SCMH1: variants seen among roughly 807,000 people sequenced by gnomAD.
SCMH1 encodes Scm polycomb group protein homolog 1, also known as polycomb protein SCMH1.
In SCMH1, 37 loss-of-function variants were observed where a neutral mutation model predicts 70.8. The observed-to-expected ratio is 0.52, with a 90% CI of 0.40 to 0.69. SCMH1 has a LOEUF of 0.69. SCMH1 is among the 30% of genes least tolerant of loss of function. SCMH1 has a pLI of 0.00. For missense variants in SCMH1, 607 were observed against 827.3 expected (o/e 0.73, Z 3.27); for synonymous variants, 292 against 307.4 (o/e 0.95, Z 0.52).
intron 6 of SCMH1, among the ~76,000 whole-genome samples, chr1:41,141,415 A>G (rs912739505): frequency 7.9e-5 from 12 of 152,358 alleles, no homozygotes; most frequent in Admixed American, 7.2e-4. Flanking sequence ...AAAAATGTCA[A>G]CCCTGATCTA....
intron 1 of SCMH1, among the ~76,000 whole-genome samples, chr1:41,224,278 C>A (rs186995377): frequency 6.6e-6 from 1 of 152,214 alleles, no homozygotes; most frequent in East Asian, 1.9e-4. Context: ...GATTCCTCTA[C>A]TAGATTATGA....
intron 7 of SCMH1, among the ~76,000 whole-genome samples, chr1:41,116,062 A>C (rs1482788907): frequency 1.3e-5 from 2 of 152,130 alleles, no homozygotes; most frequent in South Asian, 4.1e-4. Context: ...CAATCAACTA[A>C]GTTTTCTTCT....
intron 2 of SCMH1, among the ~76,000 whole-genome samples, chr1:41,185,317 C>T (rs1375434611): frequency 2.0e-5 from 3 of 152,146 alleles, no homozygotes; most frequent in Non-Finnish European, 4.4e-5. Context: ...TCCCTAGTAG[C>T]TGGAACTACA....
intron 10 of SCMH1, among the ~76,000 whole-genome samples, chr1:41,058,375 C>CTTGTTTTTTTT (rs1651259205): frequency 5.1e-5 from 2 of 38,998 alleles, no homozygotes; most frequent in African/African-American, 3.0e-4. Flanking sequence ...CATTTTCTTT[C>CTTGTTTTTTTT]TTGTTTTTTT....
At chr1:41,187,733 C>T (rs573066146) in intron 1 of SCMH1, among the ~76,000 whole-genome samples, 8 of 150,678 alleles carry the variant, frequency 5.3e-5, no homozygotes, top group East Asian at 3.9e-4. Context: ...CTCAAGAGTT[C>T]GAGACCAGCC....
intron 5 of SCMH1, among the ~76,000 whole-genome samples, chr1:41,145,417 C>CT (rs1644464003): frequency 6.6e-6 from 1 of 152,132 alleles, no homozygotes; most frequent in Non-Finnish European, 1.5e-5. Context: ...ATTCATGGAT[C>CT]TATATGTCTA....
chr1:41,117,763 C>CCT lies in SCMH1; in HGVS notation c.413-755_413-754dup, dbSNP rs746941862. Among the ~76,000 whole-genome samples the CCT allele has an allele frequency of 4.7e-3, 717 of 150,958 alleles. 7 individuals are homozygous for CCT. Among genetic ancestry groups the CCT allele is most frequent in the African/African-American group, 0.016 (664 of 41,350 alleles). ...TGGCGTAAGCTGTCTCTCTCTCTCT[C>CCT]CTCTCTCTCTCTCTGCCTCGGCTGC... On this transcript the variant is annotated intron_variant, in intron 6 of 14. Coordinates refer to ENST00000337495, the Ensembl canonical transcript of SCMH1.
At position 41,242,051 on chromosome 1, in the gene SCMH1, G is replaced by A. The variant is rs370241297; in HGVS notation, c.-118+8C>T. The A allele has an allele frequency of 6.6e-6, 1 of 152,376 alleles. No homozygotes were observed. Among genetic ancestry groups the A allele is most frequent in the Non-Finnish European group, 1.5e-5 (1 of 68,042 alleles). 9.4% of individuals were successfully genotyped at this position (152,376 alleles called of 1,614,324 possible). ...TTAGGCGGGCGGAGGCGGCCGCGAG[G>A]CGCTTACCTGAGGGCGCGGCGGGGG... On this transcript the variant is annotated splice_region_variant and intron_variant, in intron 1 of 14. Transcript: ENST00000337495. This position sits in a 1 kb window ranked among gnomAD's most constrained non-coding sequence, Gnocchi z 5.2.
chr1:41,065,609 A>AG lies in SCMH1; in HGVS notation c.1105+4985_1105+4986insC, dbSNP rs564073195. ...TAATTAAGACAGTGTGGTATTGCCTAAAGTATAGACAGATCAATGGAACAG... is the reference window on the plus strand; with the variant it reads ...TAATTAAGACAGTGTGGTATTGCCTAGAAGTATAGACAGATCAATGGAACAG... On this transcript the variant is annotated intron_variant, in intron 10 of 14. Transcript: ENST00000337495. Among the ~76,000 whole-genome samples the AG allele has an allele frequency of 5.9e-5, 9 of 152,354 alleles. No homozygotes were observed. In the South Asian group the frequency reaches 1.9e-3, roughly 32 times the overall value.
chr1:41,128,501 A>G (rs569446973), intron 6 of SCMH1, among the ~76,000 whole-genome samples: 1 of 152,222 alleles, frequency 6.6e-6, no homozygotes, highest in Non-Finnish European at 1.5e-5. Context: ...TCTGGCTTGC[A>G]CTGTTTCTGA....
chr1:41,169,329 A>C (rs1646632460), intron 2 of SCMH1, among the ~76,000 whole-genome samples: 1 of 152,226 alleles, frequency 6.6e-6, no homozygotes, highest in African/African-American at 2.4e-5. Context: ...ATTAGAAGCC[A>C]GGCTGCCAAG....
chr1:41,184,196 C>T (rs896118866), intron 2 of SCMH1, among the ~76,000 whole-genome samples: 4 of 152,156 alleles, frequency 2.6e-5, no homozygotes, highest in African/African-American at 9.7e-5. Flanking sequence ...TGCACTGATT[C>T]CATTTCAGAT....
At chr1:41,236,870 G>T (rs1303795070) in intron 1 of SCMH1, among the ~76,000 whole-genome samples, 1 of 152,120 alleles carries the variant, frequency 6.6e-6, no homozygotes, top group Non-Finnish European at 1.5e-5. Context: ...ATCCATAATT[G>T]GTTGAATACA....
At chr1:41,150,103 T>A (rs1375251712) in intron 5 of SCMH1, among the ~76,000 whole-genome samples, 1 of 152,180 alleles carries the variant, frequency 6.6e-6, no homozygotes, top group Non-Finnish European at 1.5e-5. Context: ...GGCCATGGTC[T>A]GGAAACTGTT....
chr1:41,157,406 T>G (rs571947270), intron 4 of SCMH1, among the ~76,000 whole-genome samples: 1 of 152,354 alleles, frequency 6.6e-6, no homozygotes, highest in African/African-American at 2.4e-5. Flanking sequence ...TCTCATAGAT[T>G]CTAGGAGTTC....
chr1:41,239,288 T>C (rs916178252), intron 1 of SCMH1, among the ~76,000 whole-genome samples: 11 of 152,212 alleles, frequency 7.2e-5, no homozygotes, highest in Admixed American at 4.6e-4. Flanking sequence ...CTCACATTGA[T>C]GCCTTTGCTC....
At chr1:41,220,005 C>T (rs1658927261) in intron 1 of SCMH1, among the ~76,000 whole-genome samples, 1 of 152,004 alleles carries the variant, frequency 6.6e-6, no homozygotes, top group African/African-American at 2.4e-5. Flanking sequence ...CATATAACCA[C>T]TCTTTCATAC....
intron 1 of SCMH1, among the ~76,000 whole-genome samples, chr1:41,235,377 C>A (rs554044466): frequency 6.6e-6 from 1 of 151,664 alleles, no homozygotes; most frequent in South Asian, 2.1e-4. Flanking sequence ...TTGAAACCAG[C>A]CTGACCAACA....
At chr1:41,065,157 T>C (rs1169778782) in intron 10 of SCMH1, among the ~76,000 whole-genome samples, 1 of 152,178 alleles carries the variant, frequency 6.6e-6, no homozygotes, top group Non-Finnish European at 1.5e-5. Flanking sequence ...GCAATCCTAA[T>C]CAAAATCCCA....
Sources: allele counts gnomAD v4.1 joint callset (sites outside exome capture counted in the v4.1 genomes callset), GRCh38; gene constraint gnomAD v4.1.1; non-coding constraint Gnocchi (gnomAD v3.1); transcripts MANE v1.5; gene names NCBI Gene and HGNC (gene_info 2026-07-23, HGNC 2026-07-21).